COL14A1: variants seen among roughly 807,000 people sequenced by gnomAD.
COL14A1 encodes the protein collagen type XIV alpha 1 chain, also known as collagen alpha-1(XIV) chain.
A neutral mutation model predicts 230.3 loss-of-function variants in COL14A1; 136 were observed. That is an observed-to-expected ratio of 0.59 (90% confidence interval 0.51 to 0.68). The LOEUF (loss-of-function observed/expected upper bound fraction) is 0.68, where lower values mean the gene tolerates loss of function less well. COL14A1 is among the 30% of genes least tolerant of loss of function. COL14A1 has a pLI of 0.00. For missense variants in COL14A1, 1,976 were observed against 2,215.8 expected, an observed-to-expected ratio of 0.89 and a Z score of 2.17; for synonymous variants, 792 against 784.1, an observed-to-expected ratio of 1.01 and a Z score of -0.17.
chr8:120,239,023 G>T (rs1231496668), intron 19 of COL14A1, among the ~76,000 whole-genome samples: 1 of 152,180 alleles, frequency 6.6e-6, no homozygotes, highest in Non-Finnish European at 1.5e-5. Context: ...GGTCTCACTG[G>T]GAGCTGCAGA....
At chr8:120,167,813 G>A (rs1815959043) in intron 4 of COL14A1, among the ~76,000 whole-genome samples, 1 of 152,110 alleles carries the variant, frequency 6.6e-6, no homozygotes, top group Non-Finnish European at 1.5e-5. Flanking sequence ...GCACTTAACT[G>A]GTTTTATGAG....
chr8:120,238,245 G>A (rs1818507693), intron 19 of COL14A1, among the ~76,000 whole-genome samples: 1 of 152,210 alleles, frequency 6.6e-6, no homozygotes, highest in Non-Finnish European at 1.5e-5. Flanking sequence ...ACAGGGAGAT[G>A]AGAGTTTTAT....
intron 46 of COL14A1, 92 bp from the exon 47 acceptor site, chr8:120,369,229 AAAAGTTGCT>A: frequency 7.9e-7 from 1 of 1,264,742 alleles, no homozygotes; most frequent in South Asian, 1.8e-5. Flanking sequence ...TAATTGTCCT[AAAAGTTGCT>A]TCTTCTAAGA....
intron 8 of COL14A1, among the ~76,000 whole-genome samples, chr8:120,202,051 A>G (rs1199602529): frequency 6.6e-6 from 1 of 152,194 alleles, no homozygotes; most frequent in Non-Finnish European, 1.5e-5. Context: ...TGTACATTTG[A>G]GAAGCAATTG....
intron 36 of COL14A1, among the ~76,000 whole-genome samples, chr8:120,307,950 AG>A (rs1820903224): frequency 6.6e-6 from 1 of 152,208 alleles, no homozygotes; most frequent in African/African-American, 2.4e-5. Context: ...GGGATATGTA[AG>A]GATGTTAATT....
In COL14A1 at chr8:120,373,525, G is replaced by T. The variant is rs1399766401; in HGVS notation, c.*2294G>T. Among the ~76,000 whole-genome samples the T allele has an allele frequency of 2.6e-5, 4 of 152,020 alleles. No individual in the cohort carries two copies. Among genetic ancestry groups the T allele is most frequent in the African/African-American group, 9.7e-5 (4 of 41,388 alleles). ...ATACTTATATCTTAATTTATAGTTT[G>T]TAAGTTTATACTGTTTTCTAAAAGT... On this transcript the variant is annotated 3_prime_UTR_variant, in exon 48 of 48. Coordinates refer to ENST00000297848, the MANE Select transcript of COL14A1 (RefSeq NM_021110.4).
In COL14A1 at chr8:120,316,412, A is replaced by G. The variant is rs537842763; in HGVS notation, c.4659+415A>G. On this transcript the variant is annotated intron_variant, in intron 40 of 47. Coordinates refer to ENST00000297848, the MANE Select transcript of COL14A1 (RefSeq NM_021110.4). Reference sequence around the variant, plus strand: ...ACATGGCAATCTCCATTTATTTAATATCATTCAATTATTGGTTCTTCTCAT... The same window carrying G: ...ACATGGCAATCTCCATTTATTTAATGTCATTCAATTATTGGTTCTTCTCAT... Among the ~76,000 whole-genome samples the G allele has an allele frequency of 3.9e-4, 59 of 152,322 alleles. No individual in the cohort carries two copies. In the South Asian group the frequency reaches 7.7e-3, roughly 20 times the overall value.
rs775156796 is a variant in COL14A1, at chr8:120,285,814, C to G, written c.3968-47C>G. On this transcript the variant is annotated intron_variant, in intron 32 of 47. Coordinates refer to ENST00000297848, the MANE Select transcript of COL14A1 (RefSeq NM_021110.4). ...GAGTTGAATTTTAGAAAACAAAATT[C>G]ACCTACTTTAATTATTTCTAAAATA... 1.6e-6 allele frequency: 2 copies of G among 1,241,080 alleles called. 1 individual carries two copies. The highest frequency in any genetic ancestry group is 2.8e-5 in the South Asian group (2 of 72,140). The allele number at this position is 1,241,080 out of a possible 1,614,324, so 76.9% of individuals were successfully genotyped here.
chr8:120,344,605 A>G (rs1822431218), intron 44 of COL14A1, among the ~76,000 whole-genome samples: 1 of 152,252 alleles, frequency 6.6e-6, no homozygotes, highest in Admixed American at 6.5e-5. Context: ...AATGCACTGA[A>G]TGTATTTTAG....
At chr8:120,197,000 G>A in intron 6 of COL14A1, 54 bp downstream of exon 6, 3 of 1,550,292 alleles carry the variant, frequency 1.9e-6, no homozygotes, top group Non-Finnish European at 1.8e-6. Flanking sequence ...AAACTGCTGG[G>A]AAGTATTTTA....
At chr8:120,297,487 G>T (rs781108644) in intron 34 of COL14A1, 24 bp from the exon 35 acceptor site, 2 of 1,294,412 alleles carry the variant, frequency 1.5e-6, no homozygotes, top group Non-Finnish European at 2.1e-6. Context: ...TTTATTGAAT[G>T]ACAATTTTCT....
intron 42 of COL14A1, among the ~76,000 whole-genome samples, chr8:120,340,380 T>A (rs1251181678): frequency 6.6e-6 from 1 of 152,182 alleles, no homozygotes; most frequent in Non-Finnish European, 1.5e-5. Flanking sequence ...CACTGTGGGA[T>A]GAAACCAGAA....
At chr8:120,305,907 C>T (rs888019798) in intron 36 of COL14A1, among the ~76,000 whole-genome samples, 1 of 152,094 alleles carries the variant, frequency 6.6e-6, no homozygotes, top group African/African-American at 2.4e-5. Flanking sequence ...CCATTTCTAT[C>T]CTACTTTGCC....
At chr8:120,139,823 A>C (rs1291656906) in intron 1 of COL14A1, among the ~76,000 whole-genome samples, 3 of 152,114 alleles carry the variant, frequency 2.0e-5, no homozygotes, top group Non-Finnish European at 4.4e-5. Flanking sequence ...CAGGAGTTCA[A>C]GACCAGCCTA....
chr8:120,342,412 A>T lies in COL14A1; in HGVS notation c.4854A>T (p.Ser1618=), dbSNP rs1822334858. The T allele has an allele frequency of 1.8e-5, 29 of 1,613,920 alleles. No individual in the cohort carries two copies. The highest frequency in any genetic ancestry group is 2.4e-5 in the Non-Finnish European group (28 of 1,179,914). ...TGCAGTCTCAAGCCATGGTGAGATC[A>T]GTGGCGCGTCAAGTATGCGAACAGC... ...GDLQSQAMVR[S]VARQVCEQLI... The change falls in exon 44 of 48, where the codon TCA becomes TCT. Residue 1618 remains serine (S), a synonymous_variant. Coordinates refer to ENST00000297848, the MANE Select transcript of COL14A1 (RefSeq NM_021110.4).
chr8:120,323,718 G>C (rs1000082126), intron 40 of COL14A1, among the ~76,000 whole-genome samples: 1 of 152,134 alleles, frequency 6.6e-6, no homozygotes, highest in African/African-American at 2.4e-5. Context: ...TCAAAGGTCA[G>C]ATAGTTGTTG....
At chr8:120,242,939 C>G (rs1238533422) in intron 19 of COL14A1, among the ~76,000 whole-genome samples, 1 of 152,186 alleles carries the variant, frequency 6.6e-6, no homozygotes, top group African/African-American at 2.4e-5. Context: ...TGGCATTTTA[C>G]CCAGCACTTG....
intron 36 of COL14A1, among the ~76,000 whole-genome samples, chr8:120,301,252 T>C (rs1291871217): frequency 1.3e-5 from 2 of 152,102 alleles, no homozygotes; most frequent in Non-Finnish European, 2.9e-5. Flanking sequence ...GTTACATAGA[T>C]AGGTGAACTC....
intron 1 of COL14A1, among the ~76,000 whole-genome samples, chr8:120,146,210 C>A (rs962933233): frequency 1.3e-5 from 2 of 152,184 alleles, no homozygotes; most frequent in South Asian, 4.1e-4. Context: ...TCTTTACATA[C>A]AGCAAGGGCT....
Sources: allele counts gnomAD v4.1 joint callset (sites outside exome capture counted in the v4.1 genomes callset), GRCh38; gene constraint gnomAD v4.1.1; transcripts MANE v1.5; gene names NCBI Gene and HGNC (gene_info 2026-07-23, HGNC 2026-07-21).